SPMIP11: variants seen among roughly 807,000 people sequenced by gnomAD.
SPMIP11 encodes the protein sperm microtubule inner protein 11.
chr12:48,748,652 C>T, the SPMIP11 span, among the ~76,000 whole-genome samples: 1 of 152,086 alleles, frequency 6.6e-6, no homozygotes, highest in Non-Finnish European at 1.5e-5. Flanking sequence ...CTCCTGGAGG[C>T]CTTTTCCTAC....
At chr12:48,730,218 A>G in the SPMIP11 span, among the ~76,000 whole-genome samples, 1 of 152,206 alleles carries the variant, frequency 6.6e-6, no homozygotes, top group East Asian at 1.9e-4. Flanking sequence ...GACAAAGTGG[A>G]AGATTTTACT....
At chr12:48,768,478 T>C in the SPMIP11 span, 2 of 1,481,772 alleles carry the variant, frequency 1.3e-6, no homozygotes, top group South Asian at 1.2e-5. Context: ...TTCCCTTTTG[T>C]GGTTAGCAGG....
At chr12:48,742,646 G>C in the SPMIP11 span, among the ~76,000 whole-genome samples, 1 of 152,008 alleles carries the variant, frequency 6.6e-6, no homozygotes, top group Admixed American at 6.6e-5. Flanking sequence ...CACTTTGGGA[G>C]GCCGAGGCGG....
chr12:48,730,936 C>G, the SPMIP11 span, among the ~76,000 whole-genome samples: 1 of 151,982 alleles, frequency 6.6e-6, no homozygotes, highest in Non-Finnish European at 1.5e-5. Flanking sequence ...AAAACTCTGT[C>G]CCCGCCCCCC....
the SPMIP11 span, among the ~76,000 whole-genome samples, chr12:48,742,888 AAAAT>A: frequency 2.0e-5 from 3 of 152,136 alleles, no homozygotes; most frequent in African/African-American, 4.8e-5. Flanking sequence ...TCCATTTAAA[AAAAT>A]AAATAAATAA....
At chr12:48,749,561 G>A in the SPMIP11 span, among the ~76,000 whole-genome samples, 2 of 141,166 alleles carry the variant, frequency 1.4e-5, no homozygotes, top group African/African-American at 5.3e-5. Flanking sequence ...CTTGAACCCA[G>A]GAGGCAGAGC....
chr12:48,730,674 A>T, the SPMIP11 span, among the ~76,000 whole-genome samples: 1 of 152,234 alleles, frequency 6.6e-6, no homozygotes, highest in African/African-American at 2.4e-5. Flanking sequence ...ATGGTGGCTC[A>T]CGCCTGTAAT....
At chr12:48,727,650 G>A in the SPMIP11 span, 1 of 658,236 alleles carries the variant, frequency 1.5e-6, no homozygotes, top group East Asian at 2.7e-5. Context: ...TTCCTACCTG[G>A]GGTTAGAGAT....
the SPMIP11 span, among the ~76,000 whole-genome samples, chr12:48,746,927 A>C: frequency 1.3e-5 from 2 of 152,094 alleles, no homozygotes; most frequent in African/African-American, 2.4e-5. Context: ...TCTCAAAAAA[A>C]AAAAAAATTA....
the SPMIP11 span, chr12:48,771,101 G>T: frequency 4.4e-6 from 4 of 911,866 alleles, no homozygotes; most frequent in South Asian, 6.5e-5. The surrounding 1 kb of genome is among the most constrained non-coding windows in gnomAD (Gnocchi z 4.3). Context: ...TCCAGCTGCT[G>T]CTATCAGTGT....
chr12:48,768,381 T>A, the SPMIP11 span: 7 of 672,558 alleles, frequency 1.0e-5, no homozygotes, highest in Non-Finnish European at 1.7e-5. Flanking sequence ...AGAAAGAAAG[T>A]CACTTGCATA....
the SPMIP11 span, among the ~76,000 whole-genome samples, chr12:48,728,997 G>T: frequency 6.6e-6 from 1 of 152,198 alleles, no homozygotes; most frequent in Non-Finnish European, 1.5e-5. Flanking sequence ...CATAATAGAG[G>T]TTGCATAAAT....
the SPMIP11 span, among the ~76,000 whole-genome samples, chr12:48,728,324 C>T: frequency 1.3e-5 from 2 of 152,006 alleles, no homozygotes; most frequent in South Asian, 4.1e-4. Flanking sequence ...GGAATAAGAA[C>T]GGGGGAGTGG....
chr12:48,770,705 A>G, the SPMIP11 span: 3 of 1,542,664 alleles, frequency 1.9e-6, no homozygotes, highest in Non-Finnish European at 2.7e-6. Flanking sequence ...CCCAGCCTAT[A>G]ATCCCAGCTT....
chr12:48,755,548 G>C, the SPMIP11 span, among the ~76,000 whole-genome samples: 1 of 152,086 alleles, frequency 6.6e-6, no homozygotes, highest in Non-Finnish European at 1.5e-5. Flanking sequence ...GGGAAGTTAT[G>C]GGTTATCAAG....
the SPMIP11 span, among the ~76,000 whole-genome samples, chr12:48,765,380 G>A: frequency 5.3e-5 from 8 of 152,096 alleles, no homozygotes; most frequent in South Asian, 2.1e-4. Flanking sequence ...ACAGGCACCC[G>A]CCACCGTGAC....
the SPMIP11 span, chr12:48,765,692 CA>C: frequency 7.8e-4 from 551 of 702,528 alleles, 3 homozygotes; most frequent in African/African-American, 8.6e-3. Context: ...TGAATTGTGG[CA>C]AGAGTGCAGA....
At chr12:48,737,723 T>C in the SPMIP11 span, among the ~76,000 whole-genome samples, 1 of 152,060 alleles carries the variant, frequency 6.6e-6, no homozygotes. Flanking sequence ...CCTTAATTTT[T>C]AATTTATTGC....
At chr12:48,765,653 T>G in the SPMIP11 span, 1 of 703,008 alleles carries the variant, frequency 1.4e-6, no homozygotes, top group Non-Finnish European at 2.6e-6. Flanking sequence ...CAGTCTGTAT[T>G]AAGAAGATAT....
Sources: gnomAD v4.1 joint callset for allele counts (sites outside exome capture counted in the v4.1 genomes callset) on GRCh38, gnomAD v4.1.1 for gene constraint, Gnocchi (gnomAD v3.1) non-coding constraint, MANE v1.5 for transcripts, NCBI Gene and HGNC (gene_info 2026-07-23, HGNC 2026-07-21) for gene names.